The following SGCZ variants were observed in gnomAD, a reference collection of about 807,000 sequenced individuals.
The protein encoded by SGCZ is zeta-sarcoglycan.
In SGCZ, 40 loss-of-function variants were observed where a neutral mutation model predicts 41.3. The ratio of observed to expected loss-of-function variants is 0.97; its 90% CI spans 0.75 to 1.26. The LOEUF (loss-of-function observed/expected upper bound fraction) is 1.26, where lower values mean the gene tolerates loss of function less well. Ranked by LOEUF, SGCZ falls within the 50% of genes most tolerant of loss-of-function variation. SGCZ has a pLI of 0.00. For synonymous variants in SGCZ, 206 were observed against 137.5 expected, an observed-to-expected ratio of 1.50 and a Z score of -3.49; for missense variants, 552 against 369.8, an observed-to-expected ratio of 1.49 and a Z score of -4.04.
intron 1 of SGCZ, among the ~76,000 whole-genome samples, chr8:14,845,449 A>G (rs989566187): frequency 5.3e-5 from 8 of 152,200 alleles, no homozygotes; most frequent in South Asian, 2.1e-4. Context: ...AACTAATCCA[A>G]TATTATCAGA....
chr8:14,779,616 A>G (rs928781624), intron 1 of SGCZ, among the ~76,000 whole-genome samples: 1 of 152,244 alleles, frequency 6.6e-6, no homozygotes, highest in African/African-American at 2.4e-5. Flanking sequence ...ATTATGGTAT[A>G]TAATATAAAA....
rs573390782 is a variant in SGCZ, at chr8:14,657,020, A to T, written c.40-102094T>A. Among the ~76,000 whole-genome samples, 151 of 145,638 alleles carry T rather than the reference A, an allele frequency of 1.0e-3. 3 individuals carry two copies. Among genetic ancestry groups the T allele is most frequent in the African/African-American group, 3.6e-3 (141 of 39,496 alleles). On this transcript the variant is annotated intron_variant, in intron 1 of 7. Transcript: ENST00000382080. ...AATTTGTTTTAAATGTTCAAAACTT[A>T]AAAAAAATATGCAGTGGGGATATTA...
intron 1 of SGCZ, among the ~76,000 whole-genome samples, chr8:15,131,107 C>A (rs1462380994): frequency 6.6e-6 from 1 of 152,104 alleles, no homozygotes; most frequent in East Asian, 1.9e-4. Context: ...AGTAGAGTGA[C>A]ACATTAAGTT....
chr8:14,189,013 G>C (rs1209737141), intron 4 of SGCZ, among the ~76,000 whole-genome samples: 1 of 98,700 alleles, frequency 1.0e-5, no homozygotes, highest in African/African-American at 5.2e-5. Context: ...CTGCCACCAC[G>C]CCCAGCTTTT....
At chr8:14,112,123 A>C (rs574551743) in intron 5 of SGCZ, among the ~76,000 whole-genome samples, 1 of 152,188 alleles carries the variant, frequency 6.6e-6, no homozygotes, top group African/African-American at 2.4e-5. Context: ...CAAACAACCA[A>C]GAAAGGCAAG....
chr8:14,313,310 T>C (rs892222913), intron 3 of SGCZ, among the ~76,000 whole-genome samples: 1 of 152,168 alleles, frequency 6.6e-6, no homozygotes, highest in Non-Finnish European at 1.5e-5. Context: ...GGGCTGATTT[T>C]TTAAATTAAT....
At chr8:14,254,452 C>A (rs1462112453) in intron 3 of SGCZ, among the ~76,000 whole-genome samples, 1 of 152,218 alleles carries the variant, frequency 6.6e-6, no homozygotes, top group South Asian at 2.1e-4. Context: ...GTAGGTAGAG[C>A]ATTAGGGATA....
chr8:14,988,988 A>T (rs1176070985), intron 1 of SGCZ, among the ~76,000 whole-genome samples: 1 of 152,182 alleles, frequency 6.6e-6, no homozygotes, highest in Admixed American at 6.5e-5. Context: ...TTTGTATTTA[A>T]TAGGCTCTTA....
intron 2 of SGCZ, among the ~76,000 whole-genome samples, chr8:14,552,700 G>C (rs1167670718): frequency 1.3e-5 from 2 of 152,050 alleles, no homozygotes; most frequent in Non-Finnish European, 2.9e-5. Context: ...ACAGGTGACT[G>C]TGTCAATGAT....
intron 1 of SGCZ, among the ~76,000 whole-genome samples, chr8:15,214,823 G>A (rs1801346649): frequency 6.6e-6 from 1 of 152,144 alleles, no homozygotes; most frequent in Non-Finnish European, 1.5e-5. Context: ...TTGGCAACTG[G>A]TCATTAGAGA....
chr8:15,021,055 C>G (rs1295333556), intron 1 of SGCZ, among the ~76,000 whole-genome samples: 1 of 152,118 alleles, frequency 6.6e-6, no homozygotes, highest in African/African-American at 2.4e-5. Context: ...GAAAATTCAT[C>G]TGGGATCAAG....
At chr8:14,471,526 A>G (rs569871387) in intron 2 of SGCZ, among the ~76,000 whole-genome samples, 41 of 152,210 alleles carry the variant, frequency 2.7e-4, no homozygotes, top group African/African-American at 8.7e-4. Context: ...TGAGTTTCTC[A>G]GTGGAGACTG....
intron 3 of SGCZ, among the ~76,000 whole-genome samples, chr8:14,275,048 G>C (rs1268369525): frequency 6.6e-6 from 1 of 152,036 alleles, no homozygotes; most frequent in Non-Finnish European, 1.5e-5. Flanking sequence ...CAGACATCAG[G>C]GATCAGTGAG....
In SGCZ at chr8:14,831,014, G is replaced by A. The variant is rs139709371; in HGVS notation, c.40-276088C>T. On this transcript the variant is annotated intron_variant, in intron 1 of 7. Coordinates refer to ENST00000382080, the MANE Select transcript of SGCZ (RefSeq NM_139167.4). ...AGCCAGCTATGTAAAAATCTTATTTGACTCCTAAGTAATAATGTGAACTTG... is the reference window on the plus strand; with the variant it reads ...AGCCAGCTATGTAAAAATCTTATTTAACTCCTAAGTAATAATGTGAACTTG... 1.3e-4 allele frequency among the ~76,000 whole-genome samples: 20 copies of A among 152,164 alleles called. No homozygotes were observed. The East Asian group carries it at 3.9e-3, about 29-fold the overall frequency.
chr8:14,374,877 C>G lies in SGCZ; in HGVS notation c.235-50673G>C, dbSNP rs546961412. 1.9e-3 allele frequency among the ~76,000 whole-genome samples: 291 copies of G among 152,172 alleles called. 1 individual carries two copies. The highest frequency in any genetic ancestry group is 6.8e-3 in the African/African-American group (283 of 41,504). On this transcript the variant is annotated intron_variant, in intron 2 of 7. Coordinates refer to ENST00000382080, the MANE Select transcript of SGCZ (RefSeq NM_139167.4). ...ACTAAAGGGTACATCCTGATGAAGT[C>G]TAAGCATTGTTCAAATTTCAGAATG...
intron 3 of SGCZ, among the ~76,000 whole-genome samples, chr8:14,299,713 T>C (rs924467041): frequency 1.7e-4 from 26 of 151,906 alleles, no homozygotes; most frequent in Admixed American, 5.9e-4. Context: ...GCTGGTAGTA[T>C]TGTACCAAAT....
chr8:14,496,269 A>T (rs866198357), intron 2 of SGCZ, among the ~76,000 whole-genome samples: 2 of 152,024 alleles, frequency 1.3e-5, no homozygotes, highest in Middle Eastern at 3.4e-3. Flanking sequence ...AAAATCCACT[A>T]CGTTGCCCAG....
intron 1 of SGCZ, among the ~76,000 whole-genome samples, chr8:14,989,842 G>A (rs1801947801): frequency 6.6e-6 from 1 of 152,170 alleles, no homozygotes; most frequent in African/African-American, 2.4e-5. Flanking sequence ...ACATAAGTAG[G>A]AACCTGGAAT....
chr8:14,528,466 G>C (rs1216739532), intron 2 of SGCZ, among the ~76,000 whole-genome samples: 1 of 152,054 alleles, frequency 6.6e-6, no homozygotes, highest in Non-Finnish European at 1.5e-5. Flanking sequence ...ATGGTATAGA[G>C]TTATATGTAC....
Sources: gnomAD v4.1 joint callset for allele counts (sites outside exome capture counted in the v4.1 genomes callset) on GRCh38, gnomAD v4.1.1 for gene constraint, MANE v1.5 for transcripts, NCBI Gene and HGNC (gene_info 2026-07-23, HGNC 2026-07-21) for gene names.